Variants in NTRK3 observed in about 807,000 individuals in gnomAD.
The protein encoded by NTRK3 is neurotrophic receptor tyrosine kinase 3, also known as NT-3 growth factor receptor.
NTRK3 carries 24 observed loss-of-function variants against 91.7 expected under a neutral mutation model. The observed-to-expected ratio is 0.26, with a 90% CI of 0.19 to 0.37. The LOEUF (loss-of-function observed/expected upper bound fraction) is 0.37. NTRK3 is among the 10% of genes least tolerant of loss of function. The probability of loss-of-function intolerance (pLI) is 1.00; values close to 1 mark genes in which losing one functional copy is unlikely to be tolerated. For synonymous variants in NTRK3, 483 were observed against 404.0 expected (o/e 1.20, Z -2.34); for missense variants, 880 against 1,068.9 (o/e 0.82, Z 2.46).
At chr15:88,066,690 G>T (rs1023319770) in intron 13 of NTRK3, among the ~76,000 whole-genome samples, 1 of 152,136 alleles carries the variant, frequency 6.6e-6, no homozygotes, top group Non-Finnish European at 1.5e-5. Flanking sequence ...GGACCTGCAG[G>T]CAGAGCCTTG....
intron 14 of NTRK3, among the ~76,000 whole-genome samples, chr15:88,008,460 G>A (rs1238265423): frequency 6.6e-6 from 1 of 151,998 alleles, no homozygotes; most frequent in African/African-American, 2.4e-5. Context: ...CCAAGAACCA[G>A]GATCTCCGAG....
At chr15:88,141,902 G>T (rs1022969118) in intron 6 of NTRK3, among the ~76,000 whole-genome samples, 1 of 152,232 alleles carries the variant, frequency 6.6e-6, no homozygotes, top group Non-Finnish European at 1.5e-5. Flanking sequence ...TCCAGCAGAT[G>T]GGATGCACCT....
intron 14 of NTRK3, among the ~76,000 whole-genome samples, chr15:87,967,006 C>T (rs2072856218): frequency 6.6e-6 from 1 of 152,172 alleles, no homozygotes; most frequent in African/African-American, 2.4e-5. Context: ...CCTTAGGGGA[C>T]AAGATCACCC....
At chr15:88,184,475 C>T (rs918014689) in intron 3 of NTRK3, among the ~76,000 whole-genome samples, 176 bp from the exon 4 acceptor site, 7 of 152,162 alleles carry the variant, frequency 4.6e-5, no homozygotes, top group Non-Finnish European at 8.8e-5. Flanking sequence ...GGGTTCACAC[C>T]GTCTGCCTGA....
exon 19 of NTRK3, chr15:87,876,504 C>T (rs2064954311): frequency 4.5e-6 from 1 of 224,292 alleles, no homozygotes; most frequent in African/African-American, 2.2e-5. Flanking sequence ...CAAAGATTGT[C>T]TCTCTGCATG....
At chr15:87,886,593 GA>G (rs2065547293) in intron 17 of NTRK3, among the ~76,000 whole-genome samples, 2 of 149,294 alleles carry the variant, frequency 1.3e-5, no homozygotes, top group Admixed American at 6.7e-5. Context: ...AAAATGCATA[GA>G]AAAATGTTCG....
At chr15:87,868,223 G>A (rs183432521) in exon 19 of NTRK3, 14 of 229,624 alleles carry the variant, frequency 6.1e-5, no homozygotes, top group Admixed American at 4.0e-4. Context: ...AATTAAAAAC[G>A]TGAATGTAGT....
intron 8 of NTRK3, 103 bp downstream of exon 8, chr15:88,136,364 G>A: frequency 1.4e-6 from 2 of 1,452,274 alleles, no homozygotes; most frequent in African/African-American, 1.4e-5. Flanking sequence ...AAGTCTATGT[G>A]TTTTTTCCTA....
chr15:87,895,003 T>C (rs1485144139), intron 17 of NTRK3, among the ~76,000 whole-genome samples: 1 of 152,154 alleles, frequency 6.6e-6, no homozygotes, highest in Non-Finnish European at 1.5e-5. Context: ...TATATCTTTG[T>C]GGGGGTGGGG....
chr15:88,102,495 A>G (rs957640104), intron 13 of NTRK3, among the ~76,000 whole-genome samples: 1 of 152,210 alleles, frequency 6.6e-6, no homozygotes. Flanking sequence ...CAAAATCACT[A>G]AAAGAGTGGA....
chr15:88,223,798 G>A (rs191705191), intron 3 of NTRK3, among the ~76,000 whole-genome samples: 115 of 152,316 alleles, frequency 7.6e-4, no homozygotes, highest in African/African-American at 2.7e-3. Flanking sequence ...TTATTCACAA[G>A]GTAGTAGCAG....
chr15:88,173,161 C>T (rs932970636), intron 5 of NTRK3, among the ~76,000 whole-genome samples: 1 of 152,116 alleles, frequency 6.6e-6, no homozygotes, highest in East Asian at 1.9e-4. Flanking sequence ...GCCATAGGGG[C>T]TGGGATATGG....
intron 5 of NTRK3, among the ~76,000 whole-genome samples, chr15:88,171,865 A>G (rs2045551945): frequency 6.6e-6 from 1 of 152,250 alleles, no homozygotes; most frequent in African/African-American, 2.4e-5. Context: ...CAAATTTTAC[A>G]TTGAGAAAAC....
At chr15:88,256,680 T>A (rs1217080612) in exon 1 of NTRK3, 1 of 394,926 alleles carries the variant, frequency 2.5e-6, no homozygotes, top group South Asian at 1.4e-4. Flanking sequence ...GAAGATGCAG[T>A]AGGAGCTGCA....
intron 3 of NTRK3, among the ~76,000 whole-genome samples, chr15:88,188,046 C>T (rs1171827537): frequency 6.6e-6 from 1 of 152,206 alleles, no homozygotes; most frequent in African/African-American, 2.4e-5. Flanking sequence ...CAGGCTGGAC[C>T]AGCTCATCCC....
At chr15:87,920,565 A>G (rs1257984508) in intron 17 of NTRK3, among the ~76,000 whole-genome samples, 1 of 152,202 alleles carries the variant, frequency 6.6e-6, no homozygotes, top group African/African-American at 2.4e-5. Flanking sequence ...AGCAGAGAAC[A>G]GTAACTCCAG....
intron 13 of NTRK3, among the ~76,000 whole-genome samples, chr15:88,088,813 G>A (rs1242985589): frequency 6.6e-6 from 1 of 152,046 alleles, no homozygotes; most frequent in Non-Finnish European, 1.5e-5. Context: ...TAAGAATGAA[G>A]GTATTACACA....
chr15:88,141,251 A>ATT (rs1184228346), intron 6 of NTRK3, among the ~76,000 whole-genome samples: 3 of 152,294 alleles, frequency 2.0e-5, no homozygotes, highest in Non-Finnish European at 4.4e-5. Flanking sequence ...AGACAGGAAA[A>ATT]AATGAGACGA....
chr15:88,000,429 T>TA, intron 14 of NTRK3, among the ~76,000 whole-genome samples: 1 of 152,104 alleles, frequency 6.6e-6, no homozygotes, highest in Non-Finnish European at 1.5e-5. Context: ...TCACAAAACA[T>TA]AAAATTCACC....
Sources: allele counts gnomAD v4.1 joint callset (sites outside exome capture counted in the v4.1 genomes callset), GRCh38; gene constraint gnomAD v4.1.1; transcripts MANE v1.5; gene names NCBI Gene and HGNC (gene_info 2026-07-23, HGNC 2026-07-21).